Variants in AMPH observed in about 807,000 individuals in gnomAD.
AMPH encodes the protein amphiphysin, also known as amphiphysin (Stiff-Mann syndrome with breast cancer 128kD autoantigen).
AMPH carries 49 observed loss-of-function variants against 99.1 expected under a neutral mutation model. That is an observed-to-expected ratio of 0.49 (90% CI 0.39 to 0.63). The LOEUF is 0.63. AMPH is among the 20% of genes least tolerant of loss of function. The pLI is 0.00. For synonymous variants in AMPH, 314 were observed against 317.3 expected, an observed-to-expected ratio of 0.99 and a Z score of 0.11; for missense variants, 759 against 863.4, an observed-to-expected ratio of 0.88 and a Z score of 1.52.
intron 14 of AMPH, chr7:38,428,054 T>C (rs1161535343): frequency 4.4e-6 from 2 of 456,712 alleles, no homozygotes; most frequent in Non-Finnish European, 8.8e-6. Context: ...AATCACCTGC[T>C]AGTAAGTCCA....
intron 11 of AMPH, among the ~76,000 whole-genome samples, chr7:38,449,404 A>C (rs1434438647): frequency 6.6e-6 from 1 of 152,218 alleles, no homozygotes; most frequent in East Asian, 1.9e-4. Flanking sequence ...GACTAATGAC[A>C]TGTAAATCAC....
At chr7:38,419,520 T>C (rs917316131) in intron 16 of AMPH, among the ~76,000 whole-genome samples, 5 of 152,228 alleles carry the variant, frequency 3.3e-5, no homozygotes, top group African/African-American at 4.8e-5. Flanking sequence ...TTCACACTAA[T>C]ATGCTCTCAA....
intron 1 of AMPH, among the ~76,000 whole-genome samples, chr7:38,557,276 G>A (rs1791400403): frequency 6.6e-6 from 1 of 152,314 alleles, no homozygotes; most frequent in East Asian, 1.9e-4. Context: ...GGGTATAGTA[G>A]TTCCTAACCC....
chr7:38,436,509 T>A (rs1786272919), intron 11 of AMPH, 121 bp from the exon 12 acceptor site: 5 of 742,368 alleles, frequency 6.7e-6, no homozygotes, highest in Non-Finnish European at 1.1e-5. Context: ...AACACACTTT[T>A]ATAAGCATGG....
At chr7:38,482,861 T>C (rs1475894802) in intron 5 of AMPH, among the ~76,000 whole-genome samples, 1 of 152,112 alleles carries the variant, frequency 6.6e-6, no homozygotes, top group Non-Finnish European at 1.5e-5. Flanking sequence ...AAGGTGATGG[T>C]AGCAAGATGG....
At chr7:38,444,736 C>A (rs976889968) in intron 11 of AMPH, among the ~76,000 whole-genome samples, 2 of 151,526 alleles carry the variant, frequency 1.3e-5, no homozygotes, top group East Asian at 4.0e-4. Flanking sequence ...TTAAGCCACT[C>A]AGTTGTGGTA....
chr7:38,502,361 G>A (rs1393992842), intron 3 of AMPH, among the ~76,000 whole-genome samples: 2 of 152,114 alleles, frequency 1.3e-5, no homozygotes, highest in Non-Finnish European at 2.9e-5. Context: ...TGATAACTTA[G>A]GCATCCCCTG....
At chr7:38,557,915 G>A (rs1019541763) in intron 1 of AMPH, among the ~76,000 whole-genome samples, 4 of 151,770 alleles carry the variant, frequency 2.6e-5, no homozygotes, top group African/African-American at 7.3e-5. Context: ...AATTAGCCAC[G>A]CATGGTGGCA....
chr7:38,519,436 T>C (rs1789871768), intron 2 of AMPH, among the ~76,000 whole-genome samples: 1 of 151,808 alleles, frequency 6.6e-6, no homozygotes. Context: ...CAATTAAATA[T>C]ATTAAGGCTC....
intron 1 of AMPH, among the ~76,000 whole-genome samples, chr7:38,590,242 G>T (rs761761344): frequency 6.6e-6 from 1 of 152,102 alleles, no homozygotes; most frequent in African/African-American, 2.4e-5. Flanking sequence ...TGATTAGGAC[G>T]AACCCAGGCA....
At chr7:38,629,979 C>A (rs560227736) in intron 1 of AMPH, among the ~76,000 whole-genome samples, 6 of 152,144 alleles carry the variant, frequency 3.9e-5, no homozygotes, top group Non-Finnish European at 7.3e-5. Flanking sequence ...CTAGAGGCAG[C>A]CACCAAGCCT....
rs1308779486 is a variant in AMPH at position 38,607,686 on chromosome 7, A to G, written c.69+23597T>C. Among the ~76,000 whole-genome samples the G allele has an allele frequency of 7.9e-4, 121 of 152,338 alleles. 2 individuals are homozygous for G. The highest frequency in any genetic ancestry group is 7.9e-3 in the Admixed American group (121 of 15,302). The stretch of plus-strand genomic sequence containing the variant: ...AAGTCATCGATATCTATGACTGCAC[A>G]ATAAAATGAAAGTGCAGGGGGTCCA... On this transcript the variant is annotated intron_variant, in intron 1 of 20. Transcript: ENST00000356264.
intron 1 of AMPH, among the ~76,000 whole-genome samples, chr7:38,628,292 G>A (rs975137877): frequency 6.7e-6 from 1 of 149,812 alleles, no homozygotes; most frequent in African/African-American, 2.6e-5. Context: ...GAGTTGGCAA[G>A]TGTCTCATGG....
rs149933378 is a variant in AMPH at position 38,463,011 on chromosome 7, C to T, written c.852G>A (p.Ala284=). 1.0e-4 allele frequency: 167 copies of T among 1,602,422 alleles called. 2 individuals are homozygous for T. The Middle Eastern group carries it at 1.3e-3, about 12-fold the overall frequency. ...TASPNHTLAP[A]SPAPARPRSP... is the part of the protein sequence containing the mutation. The stretch of plus-strand genomic sequence containing the variant: ...ACCGAGGCCGTGCTGGTGCGGGAGA[C>T]GCAGGTGCTAATGTATGATTTGGAC... The change falls in exon 10 of 21, where the codon GCG becomes GCA. Residue 284 remains alanine (A), a synonymous_variant. Coordinates refer to ENST00000356264, the MANE Select transcript of AMPH (RefSeq NM_001635.4).
intron 1 of AMPH, among the ~76,000 whole-genome samples, chr7:38,589,010 GAATA>G (rs1562847249): frequency 6.6e-6 from 1 of 152,022 alleles, no homozygotes; most frequent in African/African-American, 2.4e-5. Flanking sequence ...GAAATTATAA[GAATA>G]ATTATGATTT....
chr7:38,602,788 G>C (rs572563471), intron 1 of AMPH, among the ~76,000 whole-genome samples: 405 of 152,274 alleles, frequency 2.7e-3, no homozygotes, highest in Non-Finnish European at 4.4e-3. Context: ...ACCCTGAAAT[G>C]ATGCACCAAG....
intron 11 of AMPH, among the ~76,000 whole-genome samples, chr7:38,446,219 T>C (rs374216015): frequency 5.3e-5 from 8 of 152,166 alleles, no homozygotes; most frequent in South Asian, 2.1e-4. Flanking sequence ...CTGATGAAAA[T>C]AGAAAATGGT....
chr7:38,413,180 A>G (rs1244790836), intron 17 of AMPH, among the ~76,000 whole-genome samples: 1 of 152,224 alleles, frequency 6.6e-6, no homozygotes, highest in African/African-American at 2.4e-5. Context: ...GTTGAAACTG[A>G]CAACATGTTT....
At chr7:38,535,298 G>T (rs1271672499) in intron 1 of AMPH, among the ~76,000 whole-genome samples, 1 of 152,130 alleles carries the variant, frequency 6.6e-6, no homozygotes, top group East Asian at 1.9e-4. Flanking sequence ...TTAGCAGGCT[G>T]TGCGTGACTT....
Sources: gnomAD v4.1 joint callset for allele counts (sites outside exome capture counted in the v4.1 genomes callset) on GRCh38, gnomAD v4.1.1 for gene constraint, MANE v1.5 for transcripts, NCBI Gene and HGNC (gene_info 2026-07-23, HGNC 2026-07-21) for gene names.